The following NALCN variants were observed in gnomAD, a reference collection of about 807,000 sequenced individuals.
NALCN encodes sodium leak channel, non-selective, also known as sodium leak channel NALCN.
Under a neutral mutation model 225.3 loss-of-function variants are expected in NALCN, and 111 were observed. The observed-to-expected ratio is 0.49, with a 90% CI of 0.42 to 0.58. The LOEUF (loss-of-function observed/expected upper bound fraction) is 0.58, where lower values mean the gene tolerates loss of function less well. Ranked by LOEUF, NALCN falls within the 20% of genes least tolerant of loss-of-function variation. NALCN has a pLI of 0.00. For synonymous variants in NALCN, 764 were observed against 769.0 expected (o/e 0.99, Z 0.11); for missense variants, 1,378 against 2,202.4 (o/e 0.63, Z 7.49).
At chr13:101,224,794 T>C (rs905732868) in intron 13 of NALCN, among the ~76,000 whole-genome samples, 4 of 152,104 alleles carry the variant, frequency 2.6e-5, no homozygotes, top group African/African-American at 7.2e-5. Flanking sequence ...GACCCTCCCA[T>C]TGAAGGGCCC....
chr13:101,379,660 G>T (rs138689132), intron 3 of NALCN, among the ~76,000 whole-genome samples: 3 of 151,928 alleles, frequency 2.0e-5, no homozygotes, highest in African/African-American at 2.4e-5. Flanking sequence ...AGTGGGAGTC[G>T]AACAATGAGA....
chr13:101,201,283 T>C (rs2040112249), intron 13 of NALCN, among the ~76,000 whole-genome samples: 1 of 152,220 alleles, frequency 6.6e-6, no homozygotes, highest in African/African-American at 2.4e-5. Flanking sequence ...CACTATCTAA[T>C]TTAAGAACAT....
At chr13:101,343,127 C>A (rs1048209907) in intron 7 of NALCN, among the ~76,000 whole-genome samples, 1 of 152,078 alleles carries the variant, frequency 6.6e-6, no homozygotes, top group Non-Finnish European at 1.5e-5. Context: ...TTATTTTCCT[C>A]ATTTTGGGCA....
At chr13:101,285,366 C>T (rs1442283460) in intron 9 of NALCN, among the ~76,000 whole-genome samples, 1 of 151,862 alleles carries the variant, frequency 6.6e-6, no homozygotes, top group Non-Finnish European at 1.5e-5. Context: ...GGGGCGTGAT[C>T]TCCACTCACT....
At chr13:101,340,934 T>C (rs2045538935) in intron 7 of NALCN, among the ~76,000 whole-genome samples, 1 of 152,226 alleles carries the variant, frequency 6.6e-6, no homozygotes. Flanking sequence ...TTGAGTTATT[T>C]CTAAAGAAAG....
Position 101,395,352 on chromosome 13 carries a change from A to G in NALCN, c.122T>C (p.Leu41Ser). 6.2e-7 allele frequency: 1 copy of G among 1,613,782 alleles called. No individual in the cohort carries two copies. The highest frequency in any genetic ancestry group is 1.1e-5 in the South Asian group (1 of 91,014). ...LWINKPWVHSLLRICAIISVI... is the reference protein window; with the variant it reads ...LWINKPWVHSSLRICAIISVI... The stretch of plus-strand genomic sequence containing the variant: ...GCTGATGATGGCACAGATGCGCAGC[A>G]AAGAGTGAACCCACTGCAATGATGG... The change falls in exon 3 of 44, where the codon TTG becomes TCG. Residue 41 changes from leucine (L) to serine (S), a missense_variant. By Grantham distance (145) the Leu-to-Ser change is moderately radical. Coordinates refer to ENST00000251127, the MANE Select transcript of NALCN (RefSeq NM_052867.4).
At chr13:101,273,495 G>C (rs960856876) in intron 10 of NALCN, among the ~76,000 whole-genome samples, 11 of 152,158 alleles carry the variant, frequency 7.2e-5, no homozygotes, top group Non-Finnish European at 1.6e-4. Context: ...ACATGGGAGA[G>C]ATGAAAAAGG....
chr13:101,166,425 C>A (rs180962535), intron 15 of NALCN, among the ~76,000 whole-genome samples: 3 of 151,818 alleles, frequency 2.0e-5, no homozygotes, highest in African/African-American at 7.2e-5. Flanking sequence ...TTGATAGTGG[C>A]CATTCTAATA....
intron 10 of NALCN, among the ~76,000 whole-genome samples, chr13:101,279,402 T>C (rs935144393): frequency 2.0e-5 from 3 of 152,224 alleles, no homozygotes; most frequent in African/African-American, 7.2e-5. Flanking sequence ...AACCTCCAAG[T>C]TACTCATTGG....
rs34988610 is a variant in NALCN at position 101,147,354 on chromosome 13, CTTT to C, written c.1840-2461_1840-2459del. On this transcript the variant is annotated intron_variant, in intron 15 of 43. Transcript: ENST00000251127. The stretch of plus-strand genomic sequence containing the variant: ...ACTGCCTTTTTCTTCCTCTCTCTCT[CTTT>C]TTTTTTTTTTTTTTTGAGATGGAGT... Among the ~76,000 whole-genome samples, 132 of 125,062 alleles carry C rather than the reference CTTT, an allele frequency of 1.1e-3. 1 individual carries two copies. The highest frequency in any genetic ancestry group is 2.8e-3 in the African/African-American group (93 of 33,388). The allele number at this position is 125,062 out of a possible 152,430, so 82.0% of individuals were successfully genotyped here.
intron 14 of NALCN, among the ~76,000 whole-genome samples, chr13:101,186,268 TTTTA>T: frequency 6.6e-6 from 1 of 152,328 alleles, no homozygotes; most frequent in South Asian, 2.1e-4. Context: ...GAACCACTGG[TTTTA>T]TTTGTTTGTT....
At chr13:101,257,682 T>C (rs945299655) in intron 11 of NALCN, among the ~76,000 whole-genome samples, 1 of 152,202 alleles carries the variant, frequency 6.6e-6, no homozygotes, top group African/African-American at 2.4e-5. Flanking sequence ...ACACAATGAA[T>C]GGGTTTCTAC....
At chr13:101,273,272 T>C (rs1043897066) in intron 10 of NALCN, among the ~76,000 whole-genome samples, 7 of 152,180 alleles carry the variant, frequency 4.6e-5, no homozygotes, top group Admixed American at 2.0e-4. Context: ...TCCAATTGAA[T>C]AGACTTCTAT....
At chr13:101,374,759 T>A (rs1031065876) in intron 6 of NALCN, among the ~76,000 whole-genome samples, 2 of 152,240 alleles carry the variant, frequency 1.3e-5, no homozygotes, top group Non-Finnish European at 2.9e-5. Flanking sequence ...AACTTGCACA[T>A]GCCTCCTGGT....
chr13:101,282,421 G>A (rs374119592), intron 10 of NALCN, among the ~76,000 whole-genome samples: 2 of 152,100 alleles, frequency 1.3e-5, no homozygotes, highest in Admixed American at 6.6e-5. Flanking sequence ...GACAAACACC[G>A]CATAATCTCA....
chr13:101,261,968 T>C (rs1298921077), intron 10 of NALCN, among the ~76,000 whole-genome samples: 4 of 152,330 alleles, frequency 2.6e-5, no homozygotes, highest in East Asian at 1.9e-4. Context: ...TTCAGTATGA[T>C]ACTAGCTGTG....
rs1198684425 is a variant in NALCN at position 101,054,223 on chromosome 13, A to G, written c.*1072T>C. ...GGGCCATTGACATATAAGGAAAAAA[A>G]ACAAAAACAAAAAACGATTAAGTAA... is the stretch of plus-strand genomic sequence containing the variant. On this transcript the variant is annotated 3_prime_UTR_variant, in exon 44 of 44. Transcript: ENST00000251127. The G allele has an allele frequency of 6.6e-6, 1 of 152,234 alleles. No individual in the cohort carries two copies. Among genetic ancestry groups the G allele is most frequent in the East Asian group, 1.9e-4 (1 of 5,204 alleles). 9.4% of individuals were successfully genotyped at this position (152,234 alleles called of 1,614,324 possible). A position where few individuals can be genotyped will look rare whatever the true frequency, so the allele number is the denominator to read the frequency against.
chr13:101,350,669 T>G (rs2045882387), intron 6 of NALCN, among the ~76,000 whole-genome samples: 5 of 152,244 alleles, frequency 3.3e-5, no homozygotes, highest in Admixed American at 2.6e-4. Flanking sequence ...CCTGGCTGTT[T>G]GGTTGAACAC....
intron 18 of NALCN, 124 bp from the exon 19 acceptor site, chr13:101,111,350 A>C (rs1409151878): frequency 1.5e-6 from 1 of 687,782 alleles, no homozygotes; most frequent in Non-Finnish European, 2.3e-6. Flanking sequence ...AATACAGCAA[A>C]TAACGTATAA....
Sources: gnomAD v4.1 joint callset for allele counts (sites outside exome capture counted in the v4.1 genomes callset) on GRCh38, gnomAD v4.1.1 for gene constraint, MANE v1.5 for transcripts, NCBI Gene and HGNC (gene_info 2026-07-23, HGNC 2026-07-21) for gene names.